CD96: variants seen among roughly 807,000 people sequenced by gnomAD.
The protein encoded by CD96 is T-cell surface protein tactile.
CD96 carries 70 observed loss-of-function variants against 71.3 expected under a neutral mutation model. The observed-to-expected ratio is 0.98, with a 90% CI of 0.81 to 1.20. CD96 has a LOEUF of 1.20. Among genes scored for constraint, CD96 ranks in the 50% most tolerant of loss-of-function variants. The pLI, the probability that CD96 is intolerant of heterozygous loss-of-function variation, is 0.00. For missense variants in CD96, 742 were observed against 677.5 expected, an observed-to-expected ratio of 1.10 and a Z score of -1.06; for synonymous variants, 248 against 233.0, an observed-to-expected ratio of 1.06 and a Z score of -0.59.
chr3:111,603,262 T>C (rs898262916), intron 7 of CD96, among the ~76,000 whole-genome samples: 5 of 152,082 alleles, frequency 3.3e-5, no homozygotes, highest in African/African-American at 1.2e-4. Context: ...GACAATATAG[T>C]GACACTTTGT....
chr3:111,579,481 C>G, intron 4 of CD96: 1 of 554,888 alleles, frequency 1.8e-6, no homozygotes, highest in South Asian at 1.9e-5. Flanking sequence ...GGTCAGTTTT[C>G]TGTTGCTTAC....
chr3:111,561,350 T>C (rs989219435), intron 2 of CD96, among the ~76,000 whole-genome samples: 1 of 149,050 alleles, frequency 6.7e-6, no homozygotes, highest in East Asian at 2.0e-4. Context: ...TTATCTACTT[T>C]CGGTCTTTGA....
At chr3:111,576,032 G>A (rs1936206509) in intron 3 of CD96, among the ~76,000 whole-genome samples, 1 of 152,176 alleles carries the variant, frequency 6.6e-6, no homozygotes, top group South Asian at 2.1e-4. Flanking sequence ...GTTGATCATA[G>A]GCTGGACTAG....
At chr3:111,578,728 C>T (rs1936332931) in intron 3 of CD96, among the ~76,000 whole-genome samples, 1 of 152,144 alleles carries the variant, frequency 6.6e-6, no homozygotes, top group Non-Finnish European at 1.5e-5. Flanking sequence ...GCCATTAGTC[C>T]TGCCCATTCC....
intron 2 of CD96, among the ~76,000 whole-genome samples, chr3:111,550,974 AC>A (rs1934672734): frequency 6.6e-6 from 1 of 152,196 alleles, no homozygotes; most frequent in Admixed American, 6.6e-5. Flanking sequence ...CAAAAGGAAA[AC>A]AAAAAGGCAA....
intron 2 of CD96, among the ~76,000 whole-genome samples, chr3:111,551,483 C>A (rs141590228): frequency 5.6e-4 from 85 of 152,266 alleles, no homozygotes; most frequent in Non-Finnish European, 8.7e-4. Flanking sequence ...TCATGCTAAG[C>A]TTTGAATATT....
chr3:111,597,436 A>T (rs1270576498), intron 5 of CD96, among the ~76,000 whole-genome samples: 1 of 152,176 alleles, frequency 6.6e-6, no homozygotes, highest in Admixed American at 6.5e-5. Context: ...AATTTTTATT[A>T]AAAAATATGT....
At chr3:111,558,037 G>T (rs1935165732) in intron 2 of CD96, among the ~76,000 whole-genome samples, 1 of 149,054 alleles carries the variant, frequency 6.7e-6, no homozygotes, top group Non-Finnish European at 1.5e-5. Flanking sequence ...GAATGCTTGT[G>T]ATTTTTGTAC....
chr3:111,550,655 G>A (rs1934656945), intron 2 of CD96, among the ~76,000 whole-genome samples: 1 of 152,036 alleles, frequency 6.6e-6, no homozygotes, highest in African/African-American at 2.4e-5. Flanking sequence ...GAGTGCATAT[G>A]ATGAGGGAGG....
At chr3:111,588,757 G>A (rs1165152370) in intron 5 of CD96, among the ~76,000 whole-genome samples, 3 of 152,140 alleles carry the variant, frequency 2.0e-5, no homozygotes, top group Non-Finnish European at 2.9e-5. Flanking sequence ...GGGAGTTCAA[G>A]ATGAGATTTG....
At chr3:111,627,743 C>T (rs1938847117) in intron 10 of CD96, among the ~76,000 whole-genome samples, 1 of 152,306 alleles carries the variant, frequency 6.6e-6, no homozygotes, top group South Asian at 2.1e-4. Context: ...CTCCTACAGG[C>T]ACGGTCAGGC....
intron 3 of CD96, chr3:111,570,810 G>A: frequency 6.2e-7 from 1 of 1,613,688 alleles, no homozygotes; most frequent in Non-Finnish European, 8.5e-7. Context: ...TGGCCCTGGA[G>A]GCACCGGGAT....
In CD96 at chr3:111,561,951, G is replaced by A. The variant is rs577365198; in HGVS notation, c.419-5572G>A. 4.4e-4 allele frequency among the ~76,000 whole-genome samples: 66 copies of A among 151,504 alleles called. No homozygotes were observed. In the East Asian group the frequency reaches 8.6e-3, roughly 20 times the overall value. The stretch of plus-strand genomic sequence containing the variant: ...AGCCGGTCTGAAAAGCGCAATATTC[G>A]GGTGGGAGTGACCCGATTTTCCAGG... On this transcript the variant is annotated intron_variant, in intron 2 of 13. Coordinates refer to ENST00000352690, the MANE Select transcript of CD96 (RefSeq NM_005816.5).
chr3:111,663,520 G>A (rs1940405608), intron 14 of CD96, among the ~76,000 whole-genome samples: 1 of 151,822 alleles, frequency 6.6e-6, no homozygotes, highest in Non-Finnish European at 1.5e-5. Context: ...AAATCAACAA[G>A]CAAAAAACAA....
chr3:111,644,041 CA>C (rs1939714965), intron 12 of CD96, among the ~76,000 whole-genome samples: 2 of 152,038 alleles, frequency 1.3e-5, no homozygotes, highest in Non-Finnish European at 1.5e-5. Context: ...CAAGACTAAG[CA>C]AAAAGAACAA....
intron 14 of CD96, among the ~76,000 whole-genome samples, chr3:111,662,431 T>A (rs1269002384): frequency 6.6e-6 from 1 of 152,228 alleles, no homozygotes; most frequent in African/African-American, 2.4e-5. Context: ...GGATTTTTCT[T>A]TTCTACCACA....
intron 10 of CD96, among the ~76,000 whole-genome samples, chr3:111,626,815 A>T (rs1938790971): frequency 6.6e-6 from 1 of 152,256 alleles, no homozygotes; most frequent in Admixed American, 6.5e-5. Flanking sequence ...ATGTTGAATT[A>T]AAAAGTAAAT....
chr3:111,642,951 A>G (rs1057080313), intron 12 of CD96, among the ~76,000 whole-genome samples: 7 of 152,010 alleles, frequency 4.6e-5, no homozygotes, highest in African/African-American at 7.2e-5. Flanking sequence ...GAAAGAAGGA[A>G]TCCTCCCTAA....
chr3:111,638,267 G>C, intron 12 of CD96, 99 bp downstream of exon 12: 1 of 799,806 alleles, frequency 1.3e-6, no homozygotes, highest in South Asian at 1.4e-5. Context: ...CCAGTTGTTG[G>C]ATATACAGTG....
Sources: allele counts gnomAD v4.1 joint callset (sites outside exome capture counted in the v4.1 genomes callset), GRCh38; gene constraint gnomAD v4.1.1; transcripts MANE v1.5; gene names NCBI Gene and HGNC (gene_info 2026-07-23, HGNC 2026-07-21).